Variants in GCH1 observed in about 807,000 individuals in gnomAD.
GCH1 encodes GTP cyclohydrolase 1, also known as GTP cyclohydrolase I.
GCH1 carries 5 observed loss-of-function variants against 25.9 expected under a neutral mutation model. The observed-to-expected ratio is 0.19, with a 90% CI of 0.10 to 0.41. The LOEUF (loss-of-function observed/expected upper bound fraction) is 0.41, where lower values mean the gene tolerates loss of function less well. GCH1 is among the 10% of genes least tolerant of loss of function. The pLI, the probability that GCH1 is intolerant of heterozygous loss-of-function variation, is 1.00. For missense variants in GCH1, 261 were observed against 336.5 expected (o/e 0.78, Z 1.75); for synonymous variants, 159 against 129.6 (o/e 1.23, Z -1.54).
At chr14:54,901,166 A>G (rs1176974379) in intron 1 of GCH1, among the ~76,000 whole-genome samples, 2 of 151,656 alleles carry the variant, frequency 1.3e-5, no homozygotes, top group Non-Finnish European at 2.9e-5. Flanking sequence ...CCCAGGGTCT[A>G]TTTGGTGGAA....
chr14:54,869,608 G>A (rs1467297126), intron 1 of GCH1, among the ~76,000 whole-genome samples: 1 of 152,196 alleles, frequency 6.6e-6, no homozygotes, highest in African/African-American at 2.4e-5. Flanking sequence ...AGCCTCCTGA[G>A]TAGCTGGGAT....
intron 3 of GCH1, among the ~76,000 whole-genome samples, chr14:54,857,230 T>A (rs984161075): frequency 6.6e-6 from 1 of 152,216 alleles, no homozygotes; most frequent in Non-Finnish European, 1.5e-5. Context: ...CAAATCCCCA[T>A]GCTAATAATC....
At chr14:54,872,998 C>G (rs1197569779) in intron 1 of GCH1, among the ~76,000 whole-genome samples, 1 of 151,768 alleles carries the variant, frequency 6.6e-6, no homozygotes, top group Non-Finnish European at 1.5e-5. Flanking sequence ...CTGCACCAAG[C>G]AGACCTAACA....
intron 5 of GCH1, among the ~76,000 whole-genome samples, chr14:54,845,495 T>C (rs2039628900): frequency 6.6e-6 from 1 of 150,880 alleles, no homozygotes; most frequent in Non-Finnish European, 1.5e-5. Flanking sequence ...AAAAAGGCTA[T>C]TGATTATGCA....
chr14:54,879,725 C>G lies in GCH1; in HGVS notation c.344-14289G>C, dbSNP rs140328333. Among the ~76,000 whole-genome samples, 9 of 152,006 alleles carry G rather than the reference C, an allele frequency of 5.9e-5. No individual in the cohort carries two copies. In the South Asian group the frequency reaches 1.0e-3, roughly 17 times the overall value. On this transcript the variant is annotated intron_variant, in intron 1 of 5. Coordinates refer to ENST00000491895, the MANE Select transcript of GCH1 (RefSeq NM_000161.3). ...GTATAAAAATAGACATGAGGCCGGT[C>G]GCAGTGGCTCACGCCTGTAATCCCA...
At chr14:54,871,667 T>C (rs936344913) in intron 1 of GCH1, among the ~76,000 whole-genome samples, 12 of 152,186 alleles carry the variant, frequency 7.9e-5, no homozygotes, top group African/African-American at 2.9e-4. Context: ...CTGATGGAGC[T>C]GAAAACCATG....
chr14:54,885,323 T>C (rs72713477), intron 1 of GCH1: 37,123 of 236,904 alleles, frequency 0.16, 3,598 homozygotes, highest in Admixed American at 0.21. Flanking sequence ...CTCTTTTCAG[T>C]GAACCAGTCA....
intron 1 of GCH1, among the ~76,000 whole-genome samples, chr14:54,887,902 G>C (rs950077006): frequency 6.6e-6 from 1 of 152,140 alleles, no homozygotes; most frequent in Non-Finnish European, 1.5e-5. Flanking sequence ...AAATACATGA[G>C]ACTAACAGTG....
Position 54,902,600 on chromosome 14 carries a change from A to C in GCH1, c.64T>G (p.Phe22Val), listed in dbSNP as rs1220614834. Residue 22 changes from phenylalanine to valine, a missense_variant, in exon 1 of 6, where the codon TTC becomes GTC. Around this residue, in one of 3 missense-constraint regions of GCH1, gnomAD observed 125 missense variants for 128.7 expected, o/e 0.97. Transcript: ENST00000491895. Reference sequence around the variant, plus strand: ...GGCCGCGGCGGATCCCGCTCGGGGAACCCATTGCTGCACCTGGCGCCCCGC... The same window carrying C: ...GGCCGCGGCGGATCCCGCTCGGGGACCCCATTGCTGCACCTGGCGCCCCGC... ...KPRGARCSNG[F>V]PERDPPRPGP... 1 of 1,498,744 alleles carries C rather than the reference A, an allele frequency of 6.7e-7. No homozygotes were observed. Among genetic ancestry groups the C allele is most frequent in the South Asian group, 1.3e-5 (1 of 78,390 alleles). 92.8% of individuals were successfully genotyped at this position (1,498,744 alleles called of 1,614,324 possible). A position where few individuals can be genotyped will look rare whatever the true frequency, so the allele number is the denominator to read the frequency against.
At position 54,843,485 on chromosome 14, in the gene GCH1, G is replaced by C; in HGVS notation, c.*532C>G. ...ACCTTCCCTTGGTGACTAACATTACGACTGCTAAAAATATATTTTTAAATG... is the reference window on the plus strand; with the variant it reads ...ACCTTCCCTTGGTGACTAACATTACCACTGCTAAAAATATATTTTTAAATG... On this transcript the variant is annotated 3_prime_UTR_variant, in exon 6 of 6. Transcript: ENST00000491895. 1.6e-6 allele frequency: 2 copies of C among 1,258,178 alleles called. No homozygotes were observed. Among genetic ancestry groups the C allele is most frequent in the South Asian group, 4.2e-5 (2 of 47,424 alleles). The allele number at this position is 1,258,178 out of a possible 1,614,324, so 77.9% of individuals were successfully genotyped here.
chr14:54,857,446 A>G (rs2039828569), intron 3 of GCH1, among the ~76,000 whole-genome samples: 2 of 152,228 alleles, frequency 1.3e-5, no homozygotes, highest in African/African-American at 4.8e-5. Context: ...CATTAAGACC[A>G]AGGCCTAATG....
At chr14:54,851,873 G>A (rs2039736161) in intron 3 of GCH1, among the ~76,000 whole-genome samples, 1 of 152,330 alleles carries the variant, frequency 6.6e-6, no homozygotes, top group South Asian at 2.1e-4. Flanking sequence ...CCATTACTGG[G>A]TATATAACCA....
At chr14:54,862,388 T>TC (rs1231324163) in intron 2 of GCH1, among the ~76,000 whole-genome samples, 1 of 146,368 alleles carries the variant, frequency 6.8e-6, no homozygotes, top group East Asian at 2.0e-4. Flanking sequence ...TCTTTTTTTT[T>TC]TTTTTTTTTT....
intron 1 of GCH1, among the ~76,000 whole-genome samples, chr14:54,875,008 T>A (rs531470451): frequency 2.0e-5 from 3 of 152,238 alleles, no homozygotes; most frequent in Admixed American, 6.5e-5. Flanking sequence ...AGAGACCGCA[T>A]TGCCAAGTCA....
At chr14:54,872,113 C>CA (rs1179598590) in intron 1 of GCH1, among the ~76,000 whole-genome samples, 1 of 152,144 alleles carries the variant, frequency 6.6e-6, no homozygotes, top group Non-Finnish European at 1.5e-5. Flanking sequence ...TCAGGTTACC[C>CA]ACAAAGGGAA....
Position 54,865,421 on chromosome 14 carries a change from G to C in GCH1, c.359C>G (p.Ala120Gly). The change falls in exon 2 of 6, where the codon GCT (alanine) becomes GGT (glycine). Residue 120 changes from alanine (A) to glycine (G), a missense_variant. By Grantham distance (60) the Ala-to-Gly change is moderately conservative. Coordinates refer to ENST00000491895, the MANE Select transcript of GCH1 (RefSeq NM_000161.3). ...QETISDVLND[A>G]IFDEDHDEMV... is the part of the protein sequence containing the mutation. ...CTCATCATGATCTTCATCAAATATA[G>C]CATCGTTTAGGACATCTGAAATCAG... 1 of 1,551,070 alleles carries C rather than the reference G, an allele frequency of 6.4e-7. No homozygotes were observed. Among genetic ancestry groups the C allele is most frequent in the Middle Eastern group, 1.7e-4 (1 of 5,918 alleles).
At position 54,851,442 on chromosome 14, in the gene GCH1, A is replaced by G. The variant is rs1369431281; in HGVS notation, c.510-4312T>C. Among the ~76,000 whole-genome samples, 5 of 152,240 alleles carry G rather than the reference A, an allele frequency of 3.3e-5. 1 individual carries two copies. Among genetic ancestry groups the G allele is most frequent in the Admixed American group, 6.5e-5 (1 of 15,280 alleles). On this transcript the variant is annotated intron_variant, in intron 3 of 5. Coordinates refer to ENST00000491895, the MANE Select transcript of GCH1 (RefSeq NM_000161.3). ...CCATCACAGTGAACAGGCAACCTAC[A>G]GAATGGGAGAAAATTTTTATGATCT...
rs549568257 is a variant in GCH1, at chr14:54,887,950, ACTC to A, written c.343+14368_343+14370del. ...TTCGGTATTACTATTCTACCCAACC[ACTC>A]CTTTTCTAGTTTATATGAAGCTTTA... On this transcript the variant is annotated intron_variant, in intron 1 of 5. Coordinates refer to ENST00000491895, the MANE Select transcript of GCH1 (RefSeq NM_000161.3). Among the ~76,000 whole-genome samples the A allele has an allele frequency of 2.2e-3, 336 of 152,272 alleles. 1 individual carries two copies. Among genetic ancestry groups the A allele is most frequent in the African/African-American group, 7.7e-3 (320 of 41,544 alleles).
intron 1 of GCH1, among the ~76,000 whole-genome samples, chr14:54,881,887 C>T (rs1408625669): frequency 1.3e-5 from 2 of 152,200 alleles, no homozygotes; most frequent in Non-Finnish European, 2.9e-5. Context: ...ATAGTACTGA[C>T]ATGCATGTTT....
Sources: allele counts gnomAD v4.1 joint callset (sites outside exome capture counted in the v4.1 genomes callset), GRCh38; gene constraint gnomAD v4.1.1; regional missense constraint gnomAD v4.1.1; transcripts MANE v1.5; gene names NCBI Gene and HGNC (gene_info 2026-07-23, HGNC 2026-07-21).